Variants in ST6GAL2 observed in about 807,000 individuals in gnomAD.
The protein encoded by ST6GAL2 is ST6 beta-galactoside alpha-2,6-sialyltransferase 2, also known as beta-galactoside alpha-2,6-sialyltransferase 2.
In ST6GAL2, 24 loss-of-function variants were observed where a neutral mutation model predicts 37.5. The observed-to-expected ratio is 0.64, with a 90% CI of 0.46 to 0.90. ST6GAL2 has a LOEUF of 0.90. ST6GAL2 is among the 40% of genes least tolerant of loss of function. The pLI is 0.00. For missense variants in ST6GAL2, 715 were observed against 712.7 expected (o/e 1.00, Z -0.04); for synonymous variants, 306 against 295.1 (o/e 1.04, Z -0.38).
Position 106,843,766 on chromosome 2 carries a change from G to A in ST6GAL2, c.212C>T (p.Pro71Leu). ...CGCCTGGCGTGCGTCCAGGCCCCCAGGCGGGGAGGGCTCATGTGCGGCGCC... is the reference window on the plus strand; with the variant it reads ...CGCCTGGCGTGCGTCCAGGCCCCCAAGCGGGGAGGGCTCATGTGCGGCGCC... ...IMGAAHEPSPPGGLDARQALP... is the reference protein window; with the variant it reads ...IMGAAHEPSPLGGLDARQALP... The change falls in exon 2 of 6, where the codon CCT becomes CTT. Residue 71 changes from proline to leucine, a missense_variant. Physicochemically the swap from Pro to Leu is moderately conservative, Grantham distance 98. Around this residue, in one of 3 missense-constraint regions of ST6GAL2, gnomAD observed 512 missense variants for 488.8 expected, o/e 1.05. Coordinates refer to ENST00000409382, the MANE Select transcript of ST6GAL2 (RefSeq NM_001142351.2). 2 of 1,609,838 alleles carry A rather than the reference G, an allele frequency of 1.2e-6. No homozygotes were observed. Among genetic ancestry groups the A allele is most frequent in the Non-Finnish European group, 1.7e-6 (2 of 1,177,762 alleles).
intron 1 of ST6GAL2, among the ~76,000 whole-genome samples, chr2:106,846,710 C>G (rs760707775): frequency 6.6e-6 from 1 of 152,144 alleles, no homozygotes; most frequent in African/African-American, 2.4e-5. Flanking sequence ...ATTTTATATA[C>G]AGTAATACAT....
intron 5 of ST6GAL2, among the ~76,000 whole-genome samples, chr2:106,818,941 T>C (rs79273084): frequency 0.013 from 1,916 of 152,204 alleles, 85 homozygotes; most frequent in Admixed American, 0.078. Context: ...AAAAATGCAA[T>C]TGACATACCA....
At chr2:106,824,572 C>T (rs1283851834) in intron 5 of ST6GAL2, among the ~76,000 whole-genome samples, 1 of 152,106 alleles carries the variant, frequency 6.6e-6, no homozygotes, top group Non-Finnish European at 1.5e-5. Context: ...GCAGAGGTTG[C>T]AGTGAGCCGA....
chr2:106,881,773 G>A (rs1305337935), intron 1 of ST6GAL2, among the ~76,000 whole-genome samples: 2 of 152,176 alleles, frequency 1.3e-5, no homozygotes, highest in African/African-American at 4.8e-5. Context: ...AGTAGAAGCA[G>A]CCCAGAGTAG....
intron 1 of ST6GAL2, among the ~76,000 whole-genome samples, chr2:106,866,114 C>T (rs886184200): frequency 2.6e-5 from 4 of 152,164 alleles, no homozygotes; most frequent in South Asian, 2.1e-4. Flanking sequence ...TTCATTTAAA[C>T]AGAAGAACAA....
chr2:106,815,789 T>C (rs1272052818), intron 5 of ST6GAL2, among the ~76,000 whole-genome samples: 2 of 152,172 alleles, frequency 1.3e-5, no homozygotes, highest in Admixed American at 6.5e-5. Flanking sequence ...CTGGTCTCTG[T>C]AGAATCTAAG....
chr2:106,862,192 T>C (rs954406211), intron 1 of ST6GAL2, among the ~76,000 whole-genome samples: 14 of 152,074 alleles, frequency 9.2e-5, no homozygotes, highest in African/African-American at 2.7e-4. Flanking sequence ...TGCACCAGAG[T>C]CGTGAAGCAG....
intron 1 of ST6GAL2, among the ~76,000 whole-genome samples, chr2:106,872,257 G>A (rs1441138190): frequency 6.6e-6 from 1 of 152,202 alleles, no homozygotes; most frequent in Admixed American, 6.5e-5. Context: ...AACCAACTTA[G>A]GTTCCTAATA....
chr2:106,872,921 G>T (rs1678338553), intron 1 of ST6GAL2, among the ~76,000 whole-genome samples: 1 of 152,024 alleles, frequency 6.6e-6, no homozygotes, highest in East Asian at 1.9e-4. Context: ...TCTAGTACAG[G>T]TTCAGAGTAA....
At chr2:106,883,728 A>G (rs1678844028) in intron 1 of ST6GAL2, among the ~76,000 whole-genome samples, 1 of 150,718 alleles carries the variant, frequency 6.6e-6, no homozygotes, top group Non-Finnish European at 1.5e-5. Context: ...TTTTAAGATC[A>G]TATTACAGAA....
intron 1 of ST6GAL2, among the ~76,000 whole-genome samples, chr2:106,852,479 CA>C (rs547450846): frequency 5.6e-4 from 85 of 152,310 alleles, no homozygotes; most frequent in Admixed American, 2.7e-3. Context: ...GAGTAACCCA[CA>C]ATGGGGATGC....
chr2:106,806,731 C>T lies in ST6GAL2; in HGVS notation c.1537G>A (p.Gly513Ser), dbSNP rs746361790. 13 of 1,614,006 alleles carry T rather than the reference C, an allele frequency of 8.1e-6. No homozygotes were observed. Among genetic ancestry groups the T allele is most frequent in the Admixed American group, 5.0e-5 (3 of 59,998 alleles). The change falls in exon 6 of 6, where the codon GGC becomes AGC. Residue 513 changes from glycine (G) to serine (S), a missense_variant. This residue lies in a region of ST6GAL2 where 198 missense variants were observed against 203.6 expected (regional missense o/e 0.97). Coordinates refer to ENST00000409382, the MANE Select transcript of ST6GAL2 (RefSeq NM_001142351.2). ...GCAGGGCAGTGCACCGCCTGGAAGC[C>T]GGGAAGAACCACCTTGCCCTTGCGA... ...LHRKGKVVLP[G>S]FQAVHCPAPS... is the part of the protein sequence containing the mutation.
rs183008830 is a variant in ST6GAL2 at position 106,846,210 on chromosome 2, G to A, written c.-57-2176C>T. Among the ~76,000 whole-genome samples the A allele has an allele frequency of 7.6e-4, 116 of 152,278 alleles. 4 individuals carry two copies. Among genetic ancestry groups the A allele is most frequent in the Admixed American group, 5.5e-3 (84 of 15,296 alleles). On this transcript the variant is annotated intron_variant, in intron 1 of 5. Transcript: ENST00000409382. ...AGCCGGTCTAGCCCAGTCAGTCAAC[G>A]GTGAGTGATAATGATAGATTGTTGT...
At chr2:106,876,748 TTAA>T (rs975217137) in intron 1 of ST6GAL2, among the ~76,000 whole-genome samples, 1 of 152,066 alleles carries the variant, frequency 6.6e-6, no homozygotes, top group Non-Finnish European at 1.5e-5. Context: ...GGCAAAAGAT[TTAA>T]TAATTAATTT....
chr2:106,819,713 A>G (rs190972342), intron 5 of ST6GAL2, among the ~76,000 whole-genome samples: 1 of 152,186 alleles, frequency 6.6e-6, no homozygotes, highest in Admixed American at 6.5e-5. Flanking sequence ...TATTATAATA[A>G]TTATAGCCTG....
intron 1 of ST6GAL2, among the ~76,000 whole-genome samples, chr2:106,854,691 G>T (rs1677502624): frequency 6.6e-6 from 1 of 152,122 alleles, no homozygotes. Context: ...AAACACGAGT[G>T]TCTGACTCAA....
chr2:106,833,187 A>G (rs1461074806), intron 3 of ST6GAL2, among the ~76,000 whole-genome samples: 1 of 142,052 alleles, frequency 7.0e-6, no homozygotes, highest in African/African-American at 2.6e-5. Flanking sequence ...GTTTTAAGAT[A>G]CTTTTTTTTT....
chr2:106,813,095 T>G (rs926158674), intron 5 of ST6GAL2: 1 of 1,247,604 alleles, frequency 8.0e-7, no homozygotes, highest in African/African-American at 1.6e-5. Context: ...GTATGAATGT[T>G]AAGTTTCTTA....
rs756320214 is a variant in ST6GAL2, at chr2:106,843,926, C to A, written c.52G>T (p.Ala18Ser). The change falls in exon 2 of 6, where the codon GCT becomes TCT. Residue 18 changes from alanine to serine, a missense_variant. Ala to Ser is a moderately conservative substitution (Grantham distance 99). Coordinates refer to ENST00000409382, the MANE Select transcript of ST6GAL2 (RefSeq NM_001142351.2). ...WRQRMLFGIF[A>S]WGLLFLLIFI... Reference sequence around the variant, plus strand: ...ATCAGCAAAAAGAGGAGCCCCCAAGCGAATATTCCGAAAAGCATTCGTTGT... The same window carrying A: ...ATCAGCAAAAAGAGGAGCCCCCAAGAGAATATTCCGAAAAGCATTCGTTGT... 9 of 1,597,964 alleles carry A rather than the reference C, an allele frequency of 5.6e-6. No homozygotes were observed. Among genetic ancestry groups the A allele is most frequent in the South Asian group, 5.5e-5 (5 of 91,002 alleles).
Sources: allele counts gnomAD v4.1 joint callset (sites outside exome capture counted in the v4.1 genomes callset), GRCh38; gene constraint gnomAD v4.1.1; regional missense constraint gnomAD v4.1.1; transcripts MANE v1.5; gene names NCBI Gene and HGNC (gene_info 2026-07-23, HGNC 2026-07-21).